The following AMD1 variants were observed in gnomAD, a reference collection of about 807,000 sequenced individuals.
AMD1 encodes the protein adenosylmethionine decarboxylase 1.
Under a neutral mutation model 40.2 loss-of-function variants are expected in AMD1, and 11 were observed. The ratio of observed to expected loss-of-function variants is 0.27; its 90% CI spans 0.17 to 0.45. The LOEUF (loss-of-function observed/expected upper bound fraction) is 0.45. Ranked by LOEUF, AMD1 falls within the 20% of genes least tolerant of loss-of-function variation. AMD1 has a pLI of 1.00. For missense variants in AMD1, 257 were observed against 410.2 expected, an observed-to-expected ratio of 0.63 and a Z score of 3.23; for synonymous variants, 121 against 130.8, an observed-to-expected ratio of 0.93 and a Z score of 0.51.
intron 1 of AMD1, among the ~76,000 whole-genome samples, chr6:110,880,747 A>G (rs1370518605): frequency 1.3e-5 from 2 of 152,040 alleles, no homozygotes; most frequent in Non-Finnish European, 2.9e-5. Context: ...TTTTTGGTGC[A>G]CTGTAGCCTC....
At chr6:110,856,975 C>A in the AMD1 span, among the ~76,000 whole-genome samples, 485 of 152,036 alleles carry the variant, frequency 3.2e-3, 1 homozygote, top group Non-Finnish European at 4.3e-3. Flanking sequence ...ACCAGCCTGG[C>A]CAATATGGAG....
the AMD1 span, chr6:110,858,540 A>G: frequency 6.2e-7 from 1 of 1,600,052 alleles, no homozygotes; most frequent in East Asian, 2.2e-5. Context: ...TACGGCATGA[A>G]CACCGTGGAC....
chr6:110,858,092 T>C, the AMD1 span: 6 of 462,920 alleles, frequency 1.3e-5, no homozygotes, highest in African/African-American at 1.2e-4. Flanking sequence ...GATCCTCCCA[T>C]CTTGGCCTCC....
chr6:110,874,882 A>G lies in AMD1; in HGVS notation c.-224A>G, dbSNP rs553025000. The G allele has an allele frequency of 1.3e-4, 72 of 536,540 alleles. No homozygotes were observed. The highest frequency in any genetic ancestry group is 9.7e-4 in the African/African-American group (51 of 52,578). 33.2% of individuals were successfully genotyped at this position (536,540 alleles called of 1,614,324 possible). A position where few individuals can be genotyped will look rare whatever the true frequency, so the allele number is the denominator to read the frequency against. ...AAGAGACTGAACTGTATCTGCCTCT[A>G]TTTCCAAAAGACTCACGTTCAACTT... is the stretch of plus-strand genomic sequence containing the variant. On this transcript the variant is annotated 5_prime_UTR_variant, in exon 1 of 9. Coordinates refer to ENST00000368885, the MANE Select transcript of AMD1 (RefSeq NM_001634.6).
the AMD1 span, among the ~76,000 whole-genome samples, chr6:110,827,636 G>T: frequency 6.6e-6 from 1 of 151,940 alleles, no homozygotes; most frequent in Non-Finnish European, 1.5e-5. Context: ...GTGGTGGGGG[G>T]CACCTGTAGT....
At chr6:110,844,993 A>AGAG in the AMD1 span, among the ~76,000 whole-genome samples, 4 of 149,248 alleles carry the variant, frequency 2.7e-5, no homozygotes, top group African/African-American at 7.4e-5. Context: ...GAGAGAGAGA[A>AGAG]AGCAAGCGCA....
chr6:110,880,782 C>T (rs975270998), intron 1 of AMD1, among the ~76,000 whole-genome samples: 6 of 152,270 alleles, frequency 3.9e-5, no homozygotes, highest in Admixed American at 1.3e-4. Context: ...AAGTGATTCT[C>T]CTGCCTCAGC....
chr6:110,855,471 A>T, the AMD1 span, among the ~76,000 whole-genome samples: 1 of 152,198 alleles, frequency 6.6e-6, no homozygotes, highest in Non-Finnish European at 1.5e-5. Context: ...TACATAGATT[A>T]TGTATCACTT....
the AMD1 span, among the ~76,000 whole-genome samples, chr6:110,840,011 CTCTTTTTTTTT>C: frequency 1.4e-5 from 2 of 139,274 alleles, no homozygotes; most frequent in African/African-American, 2.7e-5. Context: ...AGGATTCTCT[CTCTTTTTTTTT>C]TTTTTTTTTT....
At chr6:110,833,736 G>A in the AMD1 span, among the ~76,000 whole-genome samples, 75 of 152,316 alleles carry the variant, frequency 4.9e-4, no homozygotes, top group African/African-American at 1.8e-3. Context: ...AATAAAGGCA[G>A]GGCACAGAGG....
At chr6:110,871,010 C>T (rs192758582), upstream of AMD1, among the ~76,000 whole-genome samples, 4 of 152,230 alleles carry the variant, frequency 2.6e-5, no homozygotes, top group Non-Finnish European at 5.9e-5. Flanking sequence ...ATGAATAAGC[C>T]ATACCAAGAG....
chr6:110,841,791 TTTTA>T, the AMD1 span, among the ~76,000 whole-genome samples: 5 of 151,638 alleles, frequency 3.3e-5, no homozygotes, highest in East Asian at 1.9e-4. Flanking sequence ...ATTTGTTTTA[TTTTA>T]TTTATTTATT....
At chr6:110,820,569 GC>G in the AMD1 span, among the ~76,000 whole-genome samples, 264 of 151,692 alleles carry the variant, frequency 1.7e-3, 3 homozygotes, top group Non-Finnish European at 1.9e-3. Context: ...AAATGAGTGG[GC>G]CCAATGCTCA....
chr6:110,844,677 A>C, the AMD1 span, among the ~76,000 whole-genome samples: 1 of 151,894 alleles, frequency 6.6e-6, no homozygotes, highest in African/African-American at 2.4e-5. Flanking sequence ...CCTACTCAGG[A>C]GGCTGAGGCA....
upstream of AMD1, among the ~76,000 whole-genome samples, chr6:110,873,276 A>G (rs1411328326): frequency 6.6e-6 from 1 of 152,210 alleles, no homozygotes; most frequent in African/African-American, 2.4e-5. Flanking sequence ...AGGCAGGAGA[A>G]TCGCTTGAAC....
the AMD1 span, among the ~76,000 whole-genome samples, chr6:110,837,888 C>G: frequency 6.7e-6 from 1 of 148,374 alleles, no homozygotes. Context: ...CAAGGTGAAG[C>G]CCCGTCTCTA....
chr6:110,875,221 TC>T lies in AMD1; in HGVS notation c.110+10del, dbSNP rs1417761757. ...GATCTTCGCACTATCCCAAGGTGGG[TC>T]CCCGGGGCGCTCGCTGACATCCGGG... On this transcript the variant is annotated splice_region_variant and intron_variant, in intron 1 of 8. Coordinates refer to ENST00000368885, the MANE Select transcript of AMD1 (RefSeq NM_001634.6). 1 of 1,597,814 alleles carries T rather than the reference TC, an allele frequency of 6.3e-7. No individual in the cohort carries two copies. The highest frequency in any genetic ancestry group is 2.3e-5 in the East Asian group (1 of 43,818).
intron 1 of AMD1, among the ~76,000 whole-genome samples, chr6:110,878,724 A>G (rs562266604): frequency 7.9e-5 from 12 of 152,338 alleles, no homozygotes; most frequent in African/African-American, 2.9e-4. Context: ...GGGTGAGAGT[A>G]GTAAGAAGGA....
At chr6:110,843,847 C>G in the AMD1 span, among the ~76,000 whole-genome samples, 3 of 152,074 alleles carry the variant, frequency 2.0e-5, no homozygotes, top group Non-Finnish European at 4.4e-5. Flanking sequence ...CTAGGCCTCC[C>G]AAAGTGTTGC....
Sources: allele counts gnomAD v4.1 joint callset (sites outside exome capture counted in the v4.1 genomes callset), GRCh38; gene constraint gnomAD v4.1.1; transcripts MANE v1.5; gene names NCBI Gene and HGNC (gene_info 2026-07-23, HGNC 2026-07-21).